The following PPARGC1A variants were observed in gnomAD, a reference collection of about 807,000 sequenced individuals.
PPARGC1A encodes PPARG coactivator 1 alpha.
In PPARGC1A, 25 loss-of-function variants were observed where a neutral mutation model predicts 88.7. That is an observed-to-expected ratio of 0.28 (90% confidence interval 0.21 to 0.39). PPARGC1A has a LOEUF of 0.39. Ranked by LOEUF, PPARGC1A falls within the 10% of genes least tolerant of loss-of-function variation. The pLI, the probability that PPARGC1A is intolerant of heterozygous loss-of-function variation, is 1.00. For synonymous variants in PPARGC1A, 363 were observed against 355.6 expected (o/e 1.02, Z -0.24); for missense variants, 880 against 968.7 (o/e 0.91, Z 1.22).
chr4:24,194,501 C>T, the PPARGC1A span, among the ~76,000 whole-genome samples: 6 of 152,122 alleles, frequency 3.9e-5, no homozygotes, highest in Non-Finnish European at 2.9e-5. Flanking sequence ...GATTAAATCA[C>T]TCGCACTAAG....
At chr4:24,070,196 T>C in the PPARGC1A span, among the ~76,000 whole-genome samples, 3 of 152,198 alleles carry the variant, frequency 2.0e-5, no homozygotes, top group Non-Finnish European at 2.9e-5. Context: ...GTGAGGGATG[T>C]AGCTGGGCAT....
chr4:23,811,879 G>C (rs980556589), intron 10 of PPARGC1A, among the ~76,000 whole-genome samples: 7 of 125,608 alleles, frequency 5.6e-5, no homozygotes, highest in Admixed American at 5.1e-4. Context: ...CCATCACGCA[G>C]AAGAAATGAC....
the PPARGC1A span, among the ~76,000 whole-genome samples, chr4:23,942,193 AC>A: frequency 6.6e-6 from 1 of 152,212 alleles, no homozygotes; most frequent in Non-Finnish European, 1.5e-5. Context: ...CTAAAACTGT[AC>A]CATCAACATC....
chr4:24,239,521 T>C, the PPARGC1A span, among the ~76,000 whole-genome samples: 4 of 152,166 alleles, frequency 2.6e-5, no homozygotes, highest in Admixed American at 6.5e-5. Context: ...TGTGTCTCTA[T>C]CTATAAAATG....
At chr4:24,393,984 T>C in the PPARGC1A span, among the ~76,000 whole-genome samples, 3 of 152,158 alleles carry the variant, frequency 2.0e-5, no homozygotes, top group Non-Finnish European at 4.4e-5. Context: ...AGAGAAATTT[T>C]ATGGCACTAA....
the PPARGC1A span, among the ~76,000 whole-genome samples, chr4:24,016,246 A>C: frequency 6.6e-6 from 1 of 152,216 alleles, no homozygotes; most frequent in Non-Finnish European, 1.5e-5. Context: ...ATGGAAAAGG[A>C]AAATTGAACA....
chr4:24,383,078 C>A, the PPARGC1A span, among the ~76,000 whole-genome samples: 1 of 152,188 alleles, frequency 6.6e-6, no homozygotes, highest in East Asian at 1.9e-4. Context: ...GTGATACCCA[C>A]GCAAACAGGG....
rs1243710195 is a variant in PPARGC1A at position 23,813,978 on chromosome 4, T to G, written c.1505A>C (p.Asn502Thr). ...EQFSKLPMFINSGLAMDGLFD... is the reference protein window; with the variant it reads ...EQFSKLPMFITSGLAMDGLFD... ...CAGGCCATCCATGGCTAGTCCTGAA[T>G]TTATAAACATAGGTAGTTTGGAGAA... Residue 502 changes from asparagine (N) to threonine (T), a missense_variant, in exon 8 of 13, where the codon AAT becomes ACT. Asn to Thr is a moderately conservative substitution (Grantham distance 65). Coordinates refer to ENST00000264867, the MANE Select transcript of PPARGC1A (RefSeq NM_013261.5). 6.2e-7 allele frequency: 1 copy of G among 1,614,002 alleles called. No individual in the cohort carries two copies. The highest frequency in any genetic ancestry group is 8.5e-7 in the Non-Finnish European group (1 of 1,179,976).
chr4:24,059,623 C>T, the PPARGC1A span, among the ~76,000 whole-genome samples: 6 of 152,198 alleles, frequency 3.9e-5, no homozygotes, highest in Admixed American at 3.9e-4. Flanking sequence ...CTGAGCACAG[C>T]TGTGTCTATC....
At chr4:23,888,425 T>C (rs570665903) in intron 1 of PPARGC1A, among the ~76,000 whole-genome samples, 1 of 152,216 alleles carries the variant, frequency 6.6e-6, no homozygotes, top group East Asian at 1.9e-4. Context: ...GAATAATACA[T>C]GATGGAAAAA....
At chr4:23,817,381 G>A (rs1305349267) in intron 7 of PPARGC1A, among the ~76,000 whole-genome samples, 1 of 152,086 alleles carries the variant, frequency 6.6e-6, no homozygotes, top group East Asian at 1.9e-4. Context: ...ACAGCCTGTG[G>A]CCATTGAACA....
the PPARGC1A span, among the ~76,000 whole-genome samples, chr4:24,247,012 A>G: frequency 6.6e-6 from 1 of 152,220 alleles, no homozygotes; most frequent in Non-Finnish European, 1.5e-5. Flanking sequence ...TACACTTCCA[A>G]CAGTATTTTC....
At chr4:24,248,322 TCACCG>T in the PPARGC1A span, among the ~76,000 whole-genome samples, 1 of 152,084 alleles carries the variant, frequency 6.6e-6, no homozygotes, top group Non-Finnish European at 1.5e-5. Context: ...AGACGGAGTT[TCACCG>T]TGTTAGCCAG....
the PPARGC1A span, among the ~76,000 whole-genome samples, chr4:24,153,316 A>G: frequency 4.6e-5 from 7 of 152,192 alleles, no homozygotes; most frequent in African/African-American, 1.4e-4. Flanking sequence ...ACTCAGAAAT[A>G]AAATAATTTA....
At chr4:24,156,202 T>C in the PPARGC1A span, among the ~76,000 whole-genome samples, 1 of 152,172 alleles carries the variant, frequency 6.6e-6, no homozygotes. Context: ...TCAGTATGTA[T>C]TTTGGGATAT....
At chr4:23,984,557 TA>T in the PPARGC1A span, among the ~76,000 whole-genome samples, 21 of 152,046 alleles carry the variant, frequency 1.4e-4, no homozygotes, top group African/African-American at 4.6e-4. Context: ...AAGGATGCTT[TA>T]AAAAAAGTCT....
chr4:24,472,818 G>C, the PPARGC1A span, among the ~76,000 whole-genome samples: 1 of 151,238 alleles, frequency 6.6e-6, no homozygotes, highest in Non-Finnish European at 1.5e-5. The surrounding 1 kb of genome is among the most constrained non-coding windows in gnomAD (Gnocchi z 4.5). Context: ...TGCGCGCAGA[G>C]CGAGAGACCG....
At chr4:23,958,037 A>G in the PPARGC1A span, among the ~76,000 whole-genome samples, 1 of 152,090 alleles carries the variant, frequency 6.6e-6, no homozygotes, top group Admixed American at 6.6e-5. Context: ...AGATACTACA[A>G]ATAGGAAAAC....
chr4:23,948,666 T>G, the PPARGC1A span, among the ~76,000 whole-genome samples: 85 of 152,312 alleles, frequency 5.6e-4, no homozygotes, highest in Admixed American at 1.6e-3. Context: ...CCCAGTGTGC[T>G]CCGAATAATT....
Sources: allele counts gnomAD v4.1 joint callset (sites outside exome capture counted in the v4.1 genomes callset), GRCh38; gene constraint gnomAD v4.1.1; non-coding constraint Gnocchi (gnomAD v3.1); transcripts MANE v1.5; gene names NCBI Gene and HGNC (gene_info 2026-07-23, HGNC 2026-07-21).